Variants in NLRC5 observed in about 807,000 individuals in gnomAD.
The protein encoded by NLRC5 is NLR family CARD domain containing 5.
In NLRC5, 114 loss-of-function variants were observed where a neutral mutation model predicts 206.9. The observed-to-expected ratio is 0.55, with a 90% CI of 0.47 to 0.64. The LOEUF (loss-of-function observed/expected upper bound fraction) is 0.64, where lower values mean the gene tolerates loss of function less well. Ranked by LOEUF, NLRC5 falls within the 30% of genes least tolerant of loss-of-function variation. The pLI, the probability that NLRC5 is intolerant of heterozygous loss-of-function variation, is 0.00. For missense variants in NLRC5, 2,008 were observed against 2,305.5 expected (o/e 0.87, Z 2.64); for synonymous variants, 952 against 962.8 (o/e 0.99, Z 0.21).
Position 57,025,657 on chromosome 16 carries a change from C to G in NLRC5, c.714C>G (p.Ala238=). ...CTGGCATGGGCAAGACCACGCTGGCCCACCGGCTCTGCCAGAAGTGGGCAG... is the reference window on the plus strand; with the variant it reads ...CTGGCATGGGCAAGACCACGCTGGCGCACCGGCTCTGCCAGAAGTGGGCAG... ...GKAGMGKTTL[A]HRLCQKWAEG... Residue 238 remains alanine, a synonymous_variant, in exon 6 of 49, where the codon GCC becomes GCG. Coordinates refer to ENST00000688547, the MANE Select transcript of NLRC5 (RefSeq NM_001384950.1). 1.2e-6 allele frequency: 2 copies of G among 1,614,114 alleles called. No homozygotes were observed. The highest frequency in any genetic ancestry group is 1.7e-6 in the Non-Finnish European group (2 of 1,180,022).
In NLRC5 at chr16:57,021,731, C is replaced by T. The variant is rs149110356; in HGVS notation, c.296-525C>T. 3.5e-4 allele frequency among the ~76,000 whole-genome samples: 53 copies of T among 152,258 alleles called. No individual in the cohort carries two copies. In the East Asian group the frequency reaches 9.1e-3, roughly 26 times the overall value. On this transcript the variant is annotated intron_variant, in intron 3 of 48. Coordinates refer to ENST00000688547, the MANE Select transcript of NLRC5 (RefSeq NM_001384950.1). ...TGGTCAGAAACAGTGACGGGGAGCG[C>T]CTTCTGCCCTCTACTGATCCGTGGG...
chr16:57,070,573 C>T lies in NLRC5; in HGVS notation c.4622C>T (p.Ala1541Val), dbSNP rs377644369. The change falls in exon 38 of 49, where the codon GCG becomes GTG. Residue 1541 changes from alanine (A) to valine (V), a missense_variant. Ala to Val is a moderately conservative substitution (Grantham distance 64). Coordinates refer to ENST00000688547, the MANE Select transcript of NLRC5 (RefSeq NM_001384950.1). ...NNQFDEEGTK[A>V]LMRALEGKWM... Reference sequence around the variant, plus strand: ...CAATTTGATGAGGAGGGCACCAAGGCGCTGATGAGGGCCCTTGAGGGGAAA... The same window carrying T: ...CAATTTGATGAGGAGGGCACCAAGGTGCTGATGAGGGCCCTTGAGGGGAAA... 205 of 1,613,958 alleles carry T rather than the reference C, an allele frequency of 1.3e-4. No individual in the cohort carries two copies. The highest frequency in any genetic ancestry group is 1.5e-4 in the Non-Finnish European group (172 of 1,179,998).
intron 8 of NLRC5, 145 bp from the exon 9 acceptor site, chr16:57,029,628 G>A (rs1377688457): frequency 1.2e-5 from 8 of 664,730 alleles, no homozygotes; most frequent in Admixed American, 9.4e-5. Context: ...CGTGCCTGCT[G>A]GAATCCGGCG....
chr16:57,019,063 C>T (rs1338779752), intron 2 of NLRC5, among the ~76,000 whole-genome samples: 1 of 152,140 alleles, frequency 6.6e-6, no homozygotes, highest in Non-Finnish European at 1.5e-5. Context: ...GTAAATGCCC[C>T]GTGCCCTCTA....
Position 57,036,109 on chromosome 16 carries a change from G to T in NLRC5, c.2637G>T (p.Gly879=). Reference sequence around the variant, plus strand: ...GGGCCCCCCGTCTCAGCCTCTCAGGGAACCAGCTGGAAGATGAAGGCTGTC... The same window carrying T: ...GGGCCCCCCGTCTCAGCCTCTCAGGTAACCAGCTGGAAGATGAAGGCTGTC... ...GPHLEEVDLS[G]NQLEDEGCRL... Residue 879 remains glycine (G), a synonymous_variant, in exon 14 of 49, where the codon GGG becomes GGT. Transcript: ENST00000688547. 6.2e-7 allele frequency: 1 copy of T among 1,613,664 alleles called. No homozygotes were observed. The highest frequency in any genetic ancestry group is 8.5e-7 in the Non-Finnish European group (1 of 1,179,988).
intron 36 of NLRC5, chr16:57,069,632 T>TACCTAAACTAGTCCATGG: frequency 1.7e-6 from 1 of 588,988 alleles, no homozygotes; most frequent in East Asian, 2.8e-5. Flanking sequence ...GTTTAGGAAA[T>TACCTAAACTAGTCCATGG]ACTGAACTAG....
At position 57,046,541 on chromosome 16, in the gene NLRC5, C is replaced by T. The variant is rs760365242; in HGVS notation, c.3249-11C>T. On this transcript the variant is annotated splice_polypyrimidine_tract_variant and intron_variant, in intron 21 of 48. Transcript: ENST00000688547. The stretch of plus-strand genomic sequence containing the variant: ...ATCTGAACTTTCCTTTCTAAATGAT[C>T]CCCCTCCTAGGGATATGTGGGCCAC... 5.0e-6 allele frequency: 8 copies of T among 1,610,778 alleles called. No individual in the cohort carries two copies. In the African/African-American group the frequency reaches 5.3e-5, roughly 11 times the overall value.
In NLRC5 at chr16:57,055,429, C is replaced by T; in HGVS notation, c.3660-4C>T. The T allele has an allele frequency of 1.1e-5, 17 of 1,613,796 alleles. No individual in the cohort carries two copies. The highest frequency in any genetic ancestry group is 1.4e-5 in the Non-Finnish European group (17 of 1,179,852). On this transcript the variant is annotated splice_region_variant and splice_polypyrimidine_tract_variant and intron_variant, in intron 26 of 48. Transcript: ENST00000688547. ...CCCTGCTTGTCCCCTTTACCTCCGT[C>T]CAGCAGGTTCACAGGCTGCAGCCTC...
At chr16:57,067,677 G>A in intron 35 of NLRC5, 59 bp from the exon 36 acceptor site, 1 of 1,536,450 alleles carries the variant, frequency 6.5e-7, no homozygotes, top group Non-Finnish European at 9.0e-7. Flanking sequence ...TTCTGGATGT[G>A]ATGACCTCTG....
At chr16:57,046,151 A>G (rs2063938964) in intron 21 of NLRC5, among the ~76,000 whole-genome samples, 1 of 152,164 alleles carries the variant, frequency 6.6e-6, no homozygotes, top group African/African-American at 2.4e-5. Context: ...GCTTCCCAGG[A>G]TAGGATCTCT....
At chr16:57,034,113 C>T in intron 12 of NLRC5, 55 bp from the exon 13 acceptor site, 2 of 1,461,682 alleles carry the variant, frequency 1.4e-6, no homozygotes, top group Non-Finnish European at 1.9e-6. Flanking sequence ...GCTGGAGGGG[C>T]CATGGAGTAG....
At chr16:57,067,652 T>C (rs2067215599) in intron 35 of NLRC5, 84 bp from the exon 36 acceptor site, 3 of 1,451,200 alleles carry the variant, frequency 2.1e-6, no homozygotes, top group African/African-American at 2.8e-5. Context: ...CCCCTTCTCC[T>C]CTCTTGGCAC....
Position 57,034,520 on chromosome 16 carries a change from G to A in NLRC5, c.2627+269G>A. 7.4e-6 allele frequency: 3 copies of A among 407,708 alleles called. No homozygotes were observed. The South Asian group carries it at 1.1e-4, about 14-fold the overall frequency. The allele number at this position is 407,708 out of a possible 1,614,324, so 25.3% of individuals were successfully genotyped here. On this transcript the variant is annotated intron_variant, in intron 13 of 48. Transcript: ENST00000688547. ...CTGTCCTCATTTTATAGAGGAGGAA[G>A]TTAAGCTGCAGAAAGATAAACTTGC...
chr16:57,042,806 C>A (rs1190590496), intron 19 of NLRC5, among the ~76,000 whole-genome samples: 2 of 152,164 alleles, frequency 1.3e-5, no homozygotes, highest in Non-Finnish European at 2.9e-5. Context: ...GCTACGATCT[C>A]TGAAATGAGT....
At position 57,051,610 on chromosome 16, in the gene NLRC5, G is replaced by C. The variant is rs764467616; in HGVS notation, c.3495G>C (p.Leu1165=). The stretch of plus-strand genomic sequence containing the variant: ...ACTGCTTACCTCAACTCCCTCAGCT[G>C]AGCCTGCTGCAGTAAGACGAGAGTT... ...LLDCLPQLPQ[L]SLLQLSQTGL... The change falls in exon 24 of 49, where the codon CTG becomes CTC. Residue 1165 remains leucine, a synonymous_variant. Coordinates refer to ENST00000688547, the MANE Select transcript of NLRC5 (RefSeq NM_001384950.1). 3 of 1,613,564 alleles carry C rather than the reference G, an allele frequency of 1.9e-6. No individual in the cohort carries two copies. In the Admixed American group the frequency reaches 5.0e-5, roughly 27 times the overall value.
intron 12 of NLRC5, 104 bp downstream of exon 12, chr16:57,033,773 G>A (rs1371166611): frequency 9.0e-6 from 10 of 1,115,164 alleles, no homozygotes; most frequent in Non-Finnish European, 1.3e-5. Context: ...AAGCAGATGA[G>A]GGACAGGGAA....
In NLRC5 at chr16:57,005,812, C is replaced by T. The variant is rs548229120; in HGVS notation, c.-127-11262C>T. On this transcript the variant is annotated intron_variant, in intron 1 of 48. Transcript: ENST00000688547. ...GTGTGCACTTGTAGTCCCAGCTACTCAGGAAGCTGAGGTCGGGGAATCATA... is the reference window on the plus strand; with the variant it reads ...GTGTGCACTTGTAGTCCCAGCTACTTAGGAAGCTGAGGTCGGGGAATCATA... 1.3e-5 allele frequency among the ~76,000 whole-genome samples: 2 copies of T among 151,836 alleles called. 1 individual carries two copies. The highest frequency in any genetic ancestry group is 4.2e-4 in the South Asian group (2 of 4,802).
intron 2 of NLRC5, among the ~76,000 whole-genome samples, chr16:57,017,659 C>T (rs1351170585): frequency 2.0e-5 from 3 of 152,126 alleles, no homozygotes; most frequent in Non-Finnish European, 2.9e-5. Context: ...TATTTCTGGT[C>T]CCTGGAGTAG....
chr16:57,009,994 C>T (rs2059325589), intron 1 of NLRC5, among the ~76,000 whole-genome samples: 1 of 152,102 alleles, frequency 6.6e-6, no homozygotes, highest in Non-Finnish European at 1.5e-5. Flanking sequence ...GGTGTCCAGG[C>T]TAGGCCATAG....
Sources: gnomAD v4.1 joint callset for allele counts (sites outside exome capture counted in the v4.1 genomes callset) on GRCh38, gnomAD v4.1.1 for gene constraint, MANE v1.5 for transcripts, NCBI Gene and HGNC (gene_info 2026-07-23, HGNC 2026-07-21) for gene names.